Variants in CNBD1 observed in about 807,000 individuals in gnomAD.
CNBD1 encodes cyclic nucleotide-binding domain-containing protein 1.
In CNBD1, 71 loss-of-function variants were observed where a neutral mutation model predicts 54.4. That is an observed-to-expected ratio of 1.30 (90% confidence interval 1.08 to 1.59). CNBD1 has a LOEUF of 1.59. Among genes scored for constraint, CNBD1 ranks in the 40% most tolerant of loss-of-function variants. The probability of loss-of-function intolerance (pLI) is 0.00; values close to 1 mark genes in which losing one functional copy is unlikely to be tolerated. For missense variants in CNBD1, 659 were observed against 518.0 expected (o/e 1.27, Z -2.64); for synonymous variants, 182 against 170.7 (o/e 1.07, Z -0.51).
At chr8:87,267,053 T>A (rs1808273067) in intron 6 of CNBD1, among the ~76,000 whole-genome samples, 1 of 152,112 alleles carries the variant, frequency 6.6e-6, no homozygotes, top group Admixed American at 6.6e-5. Context: ...CCAGAGATAT[T>A]CTAAGTAAAT....
chr8:87,352,325 C>G (rs991156954), intron 9 of CNBD1, among the ~76,000 whole-genome samples: 31 of 151,676 alleles, frequency 2.0e-4, no homozygotes, highest in African/African-American at 7.5e-4. Context: ...CTAAAAAATA[C>G]AAAAATTAGC....
At position 87,284,675 on chromosome 8, in the gene CNBD1, C is replaced by T. The variant is rs1162078521; in HGVS notation, c.772-3C>T. 1 of 1,594,566 alleles carries T rather than the reference C, an allele frequency of 6.3e-7. No homozygotes were observed. The highest frequency in any genetic ancestry group is 1.1e-5 in the South Asian group (1 of 88,284). On this transcript the variant is annotated splice_polypyrimidine_tract_variant and splice_region_variant and intron_variant, in intron 6 of 10. Transcript: ENST00000518476. ...CATTAAATTGTCTCTGGTATTTTTA[C>T]AGCTTAGCAAATGGAGTACCTTTGG...
chr8:87,236,881 A>G, intron 5 of CNBD1, 38 bp from the exon 6 acceptor site: 1 of 1,324,674 alleles, frequency 7.5e-7, no homozygotes, highest in South Asian at 1.4e-5. Context: ...AAGGAGCCTG[A>G]GCACACAGTA....
intron 4 of CNBD1, among the ~76,000 whole-genome samples, chr8:87,101,339 G>T (rs1811425722): frequency 6.6e-6 from 1 of 151,814 alleles, no homozygotes; most frequent in Admixed American, 6.6e-5. Flanking sequence ...AGAAAGTGTG[G>T]GAAAGAACCA....
intron 8 of CNBD1, among the ~76,000 whole-genome samples, chr8:87,333,448 G>C (rs895944854): frequency 1.3e-5 from 2 of 152,146 alleles, no homozygotes; most frequent in Non-Finnish European, 2.9e-5. Flanking sequence ...TCCCTGTCTT[G>C]TGCCAGCTTT....
intron 3 of CNBD1, among the ~76,000 whole-genome samples, chr8:86,938,249 A>G (rs779334241): frequency 7.9e-5 from 12 of 152,168 alleles, no homozygotes; most frequent in Non-Finnish European, 1.6e-4. Context: ...CCATATCACT[A>G]TCAGCATTTT....
chr8:87,335,622 G>T (rs1809929332), intron 8 of CNBD1, among the ~76,000 whole-genome samples: 1 of 152,084 alleles, frequency 6.6e-6, no homozygotes, highest in Admixed American at 6.6e-5. Context: ...GGGGTCTCTT[G>T]AATATAGCAC....
chr8:86,908,910 AC>A (rs1395868961), intron 3 of CNBD1, among the ~76,000 whole-genome samples: 1 of 151,546 alleles, frequency 6.6e-6, no homozygotes, highest in Non-Finnish European at 1.5e-5. Flanking sequence ...GGCACCCGCC[AC>A]TACGCCCAGC....
intron 4 of CNBD1, among the ~76,000 whole-genome samples, chr8:86,943,737 T>C (rs1038830712): frequency 6.6e-6 from 1 of 152,048 alleles, no homozygotes; most frequent in Non-Finnish European, 1.5e-5. Flanking sequence ...TATAAGCTTA[T>C]CATGTGTATT....
intron 4 of CNBD1, among the ~76,000 whole-genome samples, chr8:87,171,600 C>G (rs953001043): frequency 6.6e-6 from 1 of 151,502 alleles, no homozygotes; most frequent in Non-Finnish European, 1.5e-5. Flanking sequence ...AGATACATCA[C>G]TAGGTTGTTT....
chr8:87,263,347 T>G (rs994435940), intron 6 of CNBD1, among the ~76,000 whole-genome samples: 21 of 152,140 alleles, frequency 1.4e-4, no homozygotes, highest in Non-Finnish European at 2.9e-4. Flanking sequence ...AAATGAATTG[T>G]TTTTGCCCAC....
intron 4 of CNBD1, among the ~76,000 whole-genome samples, chr8:87,073,586 T>G (rs1810803971): frequency 6.6e-6 from 1 of 152,148 alleles, no homozygotes; most frequent in Non-Finnish European, 1.5e-5. Flanking sequence ...TGCTGCTGTT[T>G]CCACTCCAGA....
chr8:87,304,737 A>G (rs914588251), intron 8 of CNBD1, among the ~76,000 whole-genome samples: 4 of 152,156 alleles, frequency 2.6e-5, no homozygotes, highest in African/African-American at 9.6e-5. Flanking sequence ...ACTCTCAGCA[A>G]TGTCGGCAAA....
chr8:87,141,340 C>A (rs889344684), intron 4 of CNBD1, among the ~76,000 whole-genome samples: 1 of 152,064 alleles, frequency 6.6e-6, no homozygotes, highest in Non-Finnish European at 1.5e-5. Context: ...ATGTTGATTT[C>A]TATGTTCCAT....
chr8:86,895,612 G>A (rs1808837879), intron 2 of CNBD1, among the ~76,000 whole-genome samples: 1 of 152,144 alleles, frequency 6.6e-6, no homozygotes, highest in African/African-American at 2.4e-5. Context: ...ATCATCATTT[G>A]TGTTGTTGGT....
chr8:86,939,854 T>C (rs761641041), intron 4 of CNBD1, 100 bp downstream of exon 4: 8 of 735,770 alleles, frequency 1.1e-5, no homozygotes, highest in Non-Finnish European at 1.8e-5. Context: ...ACTTTAGTTA[T>C]GATACAGCAC....
At chr8:86,900,553 G>A (rs1031735612) in intron 2 of CNBD1, among the ~76,000 whole-genome samples, 2 of 152,060 alleles carry the variant, frequency 1.3e-5, no homozygotes, top group African/African-American at 4.8e-5. Flanking sequence ...TCTGTACCTG[G>A]ATTTACATTA....
intron 8 of CNBD1, among the ~76,000 whole-genome samples, chr8:87,317,597 G>T (rs1207411694): frequency 6.7e-6 from 1 of 150,180 alleles, no homozygotes; most frequent in African/African-American, 2.4e-5. Flanking sequence ...ATTCCATTTT[G>T]GCCAAAGATC....
intron 4 of CNBD1, among the ~76,000 whole-genome samples, chr8:87,016,323 GC>G (rs1809355424): frequency 6.6e-6 from 1 of 151,408 alleles, no homozygotes; most frequent in Non-Finnish European, 1.5e-5. Context: ...CATAAAATAA[GC>G]TTTTGTTAAA....
Sources: allele counts gnomAD v4.1 joint callset (sites outside exome capture counted in the v4.1 genomes callset), GRCh38; gene constraint gnomAD v4.1.1; transcripts MANE v1.5; gene names NCBI Gene and HGNC (gene_info 2026-07-23, HGNC 2026-07-21).